GALNT17: variants seen among roughly 807,000 people sequenced by gnomAD.
GALNT17 encodes UDP-GalNAc:polypeptide N-acetylgalactosaminyltransferase-like 3.
In GALNT17, 29 loss-of-function variants were observed where a neutral mutation model predicts 63.7. The ratio of observed to expected loss-of-function variants is 0.46; its 90% CI spans 0.34 to 0.62. The LOEUF (loss-of-function observed/expected upper bound fraction) is 0.62, where lower values mean the gene tolerates loss of function less well. Among genes scored for constraint, GALNT17 ranks in the 20% least tolerant of loss-of-function variants. The probability of loss-of-function intolerance (pLI) is 0.01; values close to 1 mark genes in which losing one functional copy is unlikely to be tolerated. For synonymous variants in GALNT17, 305 were observed against 318.3 expected, an observed-to-expected ratio of 0.96 and a Z score of 0.45; for missense variants, 603 against 799.6, an observed-to-expected ratio of 0.75 and a Z score of 2.97.
chr7:71,543,198 C>T (rs1334968700), intron 5 of GALNT17, among the ~76,000 whole-genome samples: 1 of 152,086 alleles, frequency 6.6e-6, no homozygotes, highest in Non-Finnish European at 1.5e-5. Flanking sequence ...TGACATAGTT[C>T]CCATCCAAGT....
intron 1 of GALNT17, among the ~76,000 whole-genome samples, chr7:71,225,270 A>G (rs915689362): frequency 6.6e-6 from 1 of 152,332 alleles, no homozygotes; most frequent in Middle Eastern, 3.4e-3. Flanking sequence ...CACACAGCCC[A>G]TAGACTCATT....
intron 2 of GALNT17, among the ~76,000 whole-genome samples, chr7:71,374,985 G>A (rs1250965901): frequency 7.2e-5 from 11 of 151,832 alleles, no homozygotes; most frequent in African/African-American, 2.4e-4. Context: ...GATTACAGGC[G>A]CACACCACCA....
intron 2 of GALNT17, among the ~76,000 whole-genome samples, chr7:71,375,499 C>G (rs1202774316): frequency 6.6e-6 from 1 of 152,086 alleles, no homozygotes; most frequent in Admixed American, 6.5e-5. Context: ...ACTGCAGCCT[C>G]GACCTTCAGG....
intron 1 of GALNT17, among the ~76,000 whole-genome samples, chr7:71,332,549 G>A (rs1029424929): frequency 2.6e-5 from 4 of 152,012 alleles, no homozygotes; most frequent in Admixed American, 6.6e-5. Context: ...TTTTAAAATC[G>A]TTTTATTGAG....
intron 1 of GALNT17, among the ~76,000 whole-genome samples, chr7:71,254,888 T>A (rs1039843683): frequency 2.6e-5 from 4 of 152,238 alleles, no homozygotes; most frequent in African/African-American, 4.8e-5. Context: ...CATCTTGTTG[T>A]CTGTCTGAGG....
chr7:71,424,010 A>G (rs1786713143), intron 5 of GALNT17, among the ~76,000 whole-genome samples: 1 of 152,204 alleles, frequency 6.6e-6, no homozygotes, highest in African/African-American at 2.4e-5. Context: ...TGAGTAGAGC[A>G]TGGGCAAATT....
rs79821091 is a variant in GALNT17 at position 71,545,090 on chromosome 7, C to T, written c.963-26195C>T. ...AGAATCCAACTTTCATATTTTATAT[C>T]GTTTTCATATTTTCCATCTCTTTAA... On this transcript the variant is annotated intron_variant, in intron 5 of 10. Coordinates refer to ENST00000333538, the MANE Select transcript of GALNT17 (RefSeq NM_022479.3). Among the ~76,000 whole-genome samples, 385 of 152,138 alleles carry T rather than the reference C, an allele frequency of 2.5e-3. 1 individual carries two copies. Among genetic ancestry groups the T allele is most frequent in the African/African-American group, 8.6e-3 (356 of 41,516 alleles).
chr7:71,523,332 G>A (rs1307590027), intron 5 of GALNT17, among the ~76,000 whole-genome samples: 1 of 152,210 alleles, frequency 6.6e-6, no homozygotes, highest in Non-Finnish European at 1.5e-5. Flanking sequence ...AGGAAGCTGA[G>A]GTGGGAGAAT....
chr7:71,325,140 T>C (rs1032462941), intron 1 of GALNT17, among the ~76,000 whole-genome samples: 3 of 152,220 alleles, frequency 2.0e-5, no homozygotes, highest in African/African-American at 7.2e-5. Flanking sequence ...AGGAGTACAT[T>C]GAAATTGGCC....
intron 9 of GALNT17, among the ~76,000 whole-genome samples, chr7:71,696,370 C>G (rs1479722716): frequency 6.6e-6 from 1 of 152,190 alleles, no homozygotes; most frequent in Admixed American, 6.5e-5. Flanking sequence ...GCCTCACCCT[C>G]CCAAAGTGCT....
chr7:71,357,816 G>T (rs1366417874), intron 2 of GALNT17, among the ~76,000 whole-genome samples: 3 of 152,124 alleles, frequency 2.0e-5, no homozygotes, highest in African/African-American at 7.2e-5. Context: ...ACCAATCAGC[G>T]CCCTGTAGCT....
At chr7:71,674,349 T>A (rs613416) in intron 8 of GALNT17, among the ~76,000 whole-genome samples, 105,384 of 148,822 alleles carry the variant, frequency 0.71, 40,048 homozygotes, top group Non-Finnish European at 0.87. Flanking sequence ...TCTTCCTTTT[T>A]AAAAAAAAAA....
At chr7:71,333,487 G>C (rs116933115) in intron 1 of GALNT17, among the ~76,000 whole-genome samples, 1 of 152,068 alleles carries the variant, frequency 6.6e-6, no homozygotes, top group Non-Finnish European at 1.5e-5. Context: ...ATTTTTCTTG[G>C]GTGGAAATTT....
intron 5 of GALNT17, among the ~76,000 whole-genome samples, chr7:71,472,258 G>C (rs1222224314): frequency 6.6e-6 from 1 of 152,166 alleles, no homozygotes; most frequent in Non-Finnish European, 1.5e-5. Flanking sequence ...TAAAACCATT[G>C]AGAGAATAAC....
Position 71,243,225 on chromosome 7 carries a change from A to G in GALNT17, c.239-92325A>G, listed in dbSNP as rs150280651. On this transcript the variant is annotated intron_variant, in intron 1 of 10. Transcript: ENST00000333538. ...ACCATGTGAGACGTGCTTCTTCCCC[A>G]TCTGTCATGATTGTAAGTTTCCTGA... Among the ~76,000 whole-genome samples the G allele has an allele frequency of 8.4e-4, 128 of 152,154 alleles. 1 individual carries two copies. The highest frequency in any genetic ancestry group is 3.4e-3 in the Middle Eastern group (1 of 294).
chr7:71,188,016 T>C (rs1210919082), intron 1 of GALNT17, among the ~76,000 whole-genome samples: 1 of 152,190 alleles, frequency 6.6e-6, no homozygotes, highest in Non-Finnish European at 1.5e-5. Flanking sequence ...TAGAATAATA[T>C]TATAGTCTCC....
In GALNT17 at chr7:71,712,182, G is replaced by A. The variant is rs749075650; in HGVS notation, c.*36G>A. ...CTGGGGCACTGGAGCCTGGCCCCCA[G>A]GACATGGCTGCTCCCCCCAACATCT... On this transcript the variant is annotated 3_prime_UTR_variant, in exon 11 of 11. Coordinates refer to ENST00000333538, the MANE Select transcript of GALNT17 (RefSeq NM_022479.3). 2 of 1,598,864 alleles carry A rather than the reference G, an allele frequency of 1.3e-6. No homozygotes were observed. The highest frequency in any genetic ancestry group is 3.5e-5 in the Admixed American group (2 of 57,896).
At chr7:71,638,981 A>C (rs1584106335) in intron 6 of GALNT17, among the ~76,000 whole-genome samples, 1 of 152,142 alleles carries the variant, frequency 6.6e-6, no homozygotes, top group East Asian at 1.9e-4. Flanking sequence ...TTAATGGGTA[A>C]AAAATAAAAA....
chr7:71,547,445 C>T (rs940770542), intron 5 of GALNT17, among the ~76,000 whole-genome samples: 5 of 152,078 alleles, frequency 3.3e-5, no homozygotes, highest in Admixed American at 1.3e-4. Flanking sequence ...TGAGCCACTG[C>T]GCCCGGCCCA....
Sources: gnomAD v4.1 joint callset for allele counts (sites outside exome capture counted in the v4.1 genomes callset) on GRCh38, gnomAD v4.1.1 for gene constraint, MANE v1.5 for transcripts, NCBI Gene and HGNC (gene_info 2026-07-23, HGNC 2026-07-21) for gene names.